GATAD2A: variants seen among roughly 807,000 people sequenced by gnomAD.
GATAD2A encodes the protein GATA zinc finger domain containing 2A, also known as transcriptional repressor p66-alpha.
A neutral mutation model predicts 68.5 loss-of-function variants in GATAD2A; 12 were observed. The observed-to-expected ratio is 0.18, with a 90% CI of 0.11 to 0.28. The LOEUF (loss-of-function observed/expected upper bound fraction) is 0.28, where lower values mean the gene tolerates loss of function less well. Ranked by LOEUF, GATAD2A falls within the 10% of genes least tolerant of loss-of-function variation. The pLI, the probability that GATAD2A is intolerant of heterozygous loss-of-function variation, is 1.00. For synonymous variants in GATAD2A, 410 were observed against 375.3 expected, an observed-to-expected ratio of 1.09 and a Z score of -1.07; for missense variants, 755 against 868.5, an observed-to-expected ratio of 0.87 and a Z score of 1.64.
At chr19:19,470,383 C>T (rs1197774886) in intron 2 of GATAD2A, among the ~76,000 whole-genome samples, 2 of 152,124 alleles carry the variant, frequency 1.3e-5, no homozygotes, top group Admixed American at 6.5e-5. Context: ...ATCCGCCCGC[C>T]TCACCCTCCC....
intron 1 of GATAD2A, among the ~76,000 whole-genome samples, chr19:19,417,983 G>A (rs1237382335): frequency 6.6e-6 from 1 of 152,150 alleles, no homozygotes. Context: ...AGGGCAGGGT[G>A]TCATGATGCA....
At chr19:19,481,211 C>G (rs1487997060) in intron 2 of GATAD2A, among the ~76,000 whole-genome samples, 11 of 152,134 alleles carry the variant, frequency 7.2e-5, no homozygotes, top group Non-Finnish European at 1.6e-4. Context: ...TCCTCTTTGT[C>G]CTTTACTCTC....
intron 2 of GATAD2A, among the ~76,000 whole-genome samples, chr19:19,484,388 A>G (rs184703188): frequency 1.3e-5 from 2 of 152,206 alleles, no homozygotes; most frequent in African/African-American, 4.8e-5. Flanking sequence ...TTGAACTATG[A>G]TCACACCATT....
chr19:19,456,339 G>A (rs1011496128), intron 1 of GATAD2A, among the ~76,000 whole-genome samples: 2 of 152,156 alleles, frequency 1.3e-5, no homozygotes, highest in East Asian at 1.9e-4. Flanking sequence ...ATCCCTTTCC[G>A]GGGTCAGACA....
chr19:19,494,604 C>T (rs1425428681), intron 5 of GATAD2A, among the ~76,000 whole-genome samples: 1 of 152,246 alleles, frequency 6.6e-6, no homozygotes, highest in Non-Finnish European at 1.5e-5. Flanking sequence ...GTTAATGTCA[C>T]AGACAGAAAT....
intron 1 of GATAD2A, among the ~76,000 whole-genome samples, chr19:19,449,594 C>CAAAAA (rs10532588): frequency 2.1e-5 from 3 of 141,046 alleles, no homozygotes; most frequent in Non-Finnish European, 3.1e-5. Context: ...TTAAATGTAT[C>CAAAAA]AAAAAAAAAA....
intron 1 of GATAD2A, among the ~76,000 whole-genome samples, chr19:19,414,269 G>A (rs186256082): frequency 6.6e-6 from 1 of 152,124 alleles, no homozygotes; most frequent in African/African-American, 2.4e-5. Context: ...TTCTACCTGG[G>A]ACTTTCTTCT....
chr19:19,485,579 C>T (rs1338136849), intron 2 of GATAD2A, among the ~76,000 whole-genome samples: 2 of 152,192 alleles, frequency 1.3e-5, no homozygotes, highest in African/African-American at 2.4e-5. Flanking sequence ...GCAAGCATTC[C>T]GAGGGCTCAG....
chr19:19,488,241 C>A (rs535598421), intron 2 of GATAD2A, among the ~76,000 whole-genome samples: 73 of 152,358 alleles, frequency 4.8e-4, no homozygotes, highest in African/African-American at 1.7e-3. Flanking sequence ...GCCTTGCCCC[C>A]ACCTGCCGCT....
intron 1 of GATAD2A, among the ~76,000 whole-genome samples, chr19:19,390,744 T>G (rs1401360677): frequency 5.9e-5 from 9 of 152,146 alleles, no homozygotes; most frequent in Admixed American, 5.9e-4. Flanking sequence ...ATCACATGCG[T>G]ATTATGAGAC....
chr19:19,407,141 A>G (rs1037449139), intron 1 of GATAD2A, among the ~76,000 whole-genome samples: 1 of 152,234 alleles, frequency 6.6e-6, no homozygotes, highest in Admixed American at 6.5e-5. Context: ...GTGGCAGCAC[A>G]GAAACTGAGA....
In GATAD2A at chr19:19,507,336, C is replaced by T. The variant is rs1483112806; in HGVS notation, c.*1862C>T. 1.3e-5 allele frequency: 2 copies of T among 152,074 alleles called. No individual in the cohort carries two copies. The highest frequency in any genetic ancestry group is 6.5e-5 in the Admixed American group (1 of 15,278). 9.4% of individuals were successfully genotyped at this position (152,074 alleles called of 1,614,324 possible). On this transcript the variant is annotated 3_prime_UTR_variant, in exon 12 of 12. Transcript: ENST00000683918. ...TGCCTGGCAAATAAATACCTGTCTCCTACGACCCTGAGCTGTTAGCCCTCT... is the reference window on the plus strand; with the variant it reads ...TGCCTGGCAAATAAATACCTGTCTCTTACGACCCTGAGCTGTTAGCCCTCT...
intron 1 of GATAD2A, among the ~76,000 whole-genome samples, chr19:19,434,499 T>C (rs754374039): frequency 6.6e-6 from 1 of 152,204 alleles, no homozygotes; most frequent in African/African-American, 2.4e-5. Flanking sequence ...GGAGTGTTTC[T>C]CGCCATCCAT....
chr19:19,485,136 G>T (rs572051888), intron 2 of GATAD2A, among the ~76,000 whole-genome samples: 1 of 152,228 alleles, frequency 6.6e-6, no homozygotes, highest in Non-Finnish European at 1.5e-5. Flanking sequence ...TTAAGGCTCA[G>T]TGGGTAGTTA....
chr19:19,404,299 C>T (rs1379428816), upstream of GATAD2A, among the ~76,000 whole-genome samples: 3 of 150,708 alleles, frequency 2.0e-5, no homozygotes, highest in African/African-American at 7.3e-5. Context: ...AAAATTTGTT[C>T]TACATGAAGT....
chr19:19,467,592 C>A (rs147760281), intron 2 of GATAD2A, among the ~76,000 whole-genome samples: 110 of 152,234 alleles, frequency 7.2e-4, no homozygotes, highest in African/African-American at 2.5e-3. Context: ...AGTAGTTAAT[C>A]CATTTTCATT....
At chr19:19,471,205 G>A (rs1446743798) in intron 2 of GATAD2A, among the ~76,000 whole-genome samples, 1 of 149,344 alleles carries the variant, frequency 6.7e-6, no homozygotes, top group Non-Finnish European at 1.5e-5. Context: ...ACAGTGAGCC[G>A]AGATCGTGCC....
chr19:19,457,766 A>G lies in GATAD2A; in HGVS notation c.-6-7574A>G, dbSNP rs562632484. Among the ~76,000 whole-genome samples the G allele has an allele frequency of 1.1e-4, 17 of 152,038 alleles. No individual in the cohort carries two copies. The East Asian group carries it at 3.1e-3, about 28-fold the overall frequency. ...AAAAAAAAAAAAAAAGATTAACAAA[A>G]GGCCCCTTGCACACTGTGGAAGGCT... is the stretch of plus-strand genomic sequence containing the variant. On this transcript the variant is annotated intron_variant, in intron 1 of 11. Coordinates refer to ENST00000683918, the MANE Select transcript of GATAD2A (RefSeq NM_001384528.1).
chr19:19,463,809 G>A (rs1568309018), intron 1 of GATAD2A, among the ~76,000 whole-genome samples: 1 of 152,200 alleles, frequency 6.6e-6, no homozygotes, highest in South Asian at 2.1e-4. Context: ...GTGCCCGGGT[G>A]CCCTGGCTGG....
Sources: allele counts gnomAD v4.1 joint callset (sites outside exome capture counted in the v4.1 genomes callset), GRCh38; gene constraint gnomAD v4.1.1; transcripts MANE v1.5; gene names NCBI Gene and HGNC (gene_info 2026-07-23, HGNC 2026-07-21).